Variants in NDE1 observed in about 807,000 individuals in gnomAD.
The protein encoded by NDE1 is nudE neurodevelopment protein 1, also known as nuclear distribution protein nudE homolog 1.
A neutral mutation model predicts 43.4 loss-of-function variants in NDE1; 28 were observed. That is an observed-to-expected ratio of 0.65 (90% CI 0.48 to 0.89). The LOEUF (loss-of-function observed/expected upper bound fraction) is 0.89, where lower values mean the gene tolerates loss of function less well. Ranked by LOEUF, NDE1 falls within the 40% of genes least tolerant of loss-of-function variation. The pLI is 0.00. For missense variants in NDE1, 441 were observed against 434.1 expected, an observed-to-expected ratio of 1.02 and a Z score of -0.14; for synonymous variants, 184 against 172.0, an observed-to-expected ratio of 1.07 and a Z score of -0.55.
intron 8 of NDE1, chr16:15,717,344 T>A: frequency 1.9e-6 from 3 of 1,606,624 alleles, no homozygotes; most frequent in Non-Finnish European, 2.5e-6. Context: ...GCTGAGCTGC[T>A]CGGCCTGGGG....
upstream of NDE1, among the ~76,000 whole-genome samples, chr16:15,645,358 T>C (rs577175631): frequency 3.8e-4 from 58 of 152,294 alleles, 1 homozygote; most frequent in South Asian, 0.011. Flanking sequence ...GGGCGGGGCA[T>C]GGTGACTCAT....
At chr16:15,716,523 TG>T (rs139447709) in intron 8 of NDE1, among the ~76,000 whole-genome samples, 17 of 151,926 alleles carry the variant, frequency 1.1e-4, no homozygotes, top group African/African-American at 3.1e-4. Context: ...GGGTTTTTTT[TG>T]TGTGTGTGTA....
intron 5 of NDE1, among the ~76,000 whole-genome samples, chr16:15,690,211 A>AT (rs1946393758): frequency 6.6e-6 from 1 of 151,078 alleles, no homozygotes; most frequent in African/African-American, 2.4e-5. Context: ...CGCATGGCTA[A>AT]TTTTTTGTAT....
chr16:15,669,963 G>C (rs2037509264), intron 3 of NDE1, among the ~76,000 whole-genome samples: 1 of 152,316 alleles, frequency 6.6e-6, no homozygotes, highest in Non-Finnish European at 1.5e-5. Context: ...ATGCTGTAGG[G>C]CTCAGCAAGG....
intron 3 of NDE1, among the ~76,000 whole-genome samples, 194 bp downstream of exon 3, chr16:15,667,633 T>TG (rs1555538026): frequency 7.6e-4 from 106 of 140,078 alleles, no homozygotes; most frequent in Non-Finnish European, 1.4e-3. Flanking sequence ...TTTTGTTTTG[T>TG]TTTTTTTTTT....
chr16:15,708,384 G>A (rs541945879), intron 8 of NDE1, among the ~76,000 whole-genome samples: 3 of 152,310 alleles, frequency 2.0e-5, no homozygotes, highest in Admixed American at 6.5e-5. Context: ...TGCCCAGATA[G>A]TGGAACTGTC....
chr16:15,714,806 G>T, intron 8 of NDE1: 1 of 1,386,382 alleles, frequency 7.2e-7, no homozygotes, highest in Non-Finnish European at 1.0e-6. Context: ...AGGGAGTGGC[G>T]GCTGTGGGCA....
At chr16:15,692,731 T>C (rs1452547988) in intron 6 of NDE1, among the ~76,000 whole-genome samples, 2 of 151,708 alleles carry the variant, frequency 1.3e-5, no homozygotes, top group East Asian at 2.0e-4. Flanking sequence ...CCATTTTGCA[T>C]ACTTTATTTC....
intron 7 of NDE1, chr16:15,694,900 G>C: frequency 1.0e-6 from 1 of 985,244 alleles, no homozygotes; most frequent in Non-Finnish European, 1.2e-6. Context: ...TCTTTTGGCC[G>C]GGTGCTCATA....
chr16:15,716,059 C>T (rs1423114661), intron 8 of NDE1, among the ~76,000 whole-genome samples: 1 of 152,032 alleles, frequency 6.6e-6, no homozygotes, highest in African/African-American at 2.4e-5. Flanking sequence ...TGAGATCGCA[C>T]CACTGCACAC....
intron 4 of NDE1, among the ~76,000 whole-genome samples, chr16:15,679,026 G>A (rs766364818): frequency 3.9e-5 from 6 of 152,058 alleles, no homozygotes; most frequent in African/African-American, 1.2e-4. Flanking sequence ...GTAGTGAGCC[G>A]AGATTGCGCC....
chr16:15,664,738 A>G lies in NDE1; in HGVS notation c.-41A>G, dbSNP rs768386694. ...CATTTTGAAACCTTCTCTCCTAGAC[A>G]CCATGCCACAAGGAGAGTGATCTCT... On this transcript the variant is annotated splice_region_variant and 5_prime_UTR_variant, in exon 2 of 9. Transcript: ENST00000396354. 1.5e-5 allele frequency: 22 copies of G among 1,424,908 alleles called. No individual in the cohort carries two copies. Among genetic ancestry groups the G allele is most frequent in the East Asian group, 2.3e-5 (1 of 44,004 alleles). The allele number at this position is 1,424,908 out of a possible 1,614,324, so 88.3% of individuals were successfully genotyped here.
chr16:15,686,349 AGGT>A, intron 4 of NDE1: 1 of 980,394 alleles, frequency 1.0e-6, no homozygotes, highest in Non-Finnish European at 1.2e-6. Flanking sequence ...GGTGCAGAGA[AGGT>A]GGTTTTCCCA....
intron 8 of NDE1, chr16:15,703,674 G>A (rs2039302940): frequency 6.8e-6 from 3 of 443,738 alleles, no homozygotes; most frequent in African/African-American, 2.0e-5. Context: ...TTGCAGCCTC[G>A]AAGTCCTGGG....
At chr16:15,648,222 A>G (rs2036370557), upstream of NDE1, among the ~76,000 whole-genome samples, 1 of 152,102 alleles carries the variant, frequency 6.6e-6, no homozygotes, top group Non-Finnish European at 1.5e-5. Flanking sequence ...CAAGCACTCC[A>G]ATTATACTCC....
rs2040650791 is a variant in NDE1 at position 15,724,533 on chromosome 16, GCTGGGGGGT to G, written c.*284_*292del. On this transcript the variant is annotated 3_prime_UTR_variant, in exon 9 of 9. Transcript: ENST00000396354. ...TTGGAGAAACCCAATAGCAGGGGAAGCTGGGGGGTCAAGCACCATCGCACCAACACTCCA... is the reference window on the plus strand; with the variant it reads ...TTGGAGAAACCCAATAGCAGGGGAAGCAAGCACCATCGCACCAACACTCCA... 1.9e-6 allele frequency: 3 copies of G among 1,606,138 alleles called. No individual in the cohort carries two copies. In the African/African-American group the frequency reaches 4.0e-5, roughly 21 times the overall value.
At chr16:15,694,277 C>A (rs375742952) in intron 7 of NDE1, 21 bp downstream of exon 7, 1 of 1,609,992 alleles carries the variant, frequency 6.2e-7, no homozygotes, top group Non-Finnish European at 8.5e-7. Flanking sequence ...ACTTTCCTGG[C>A]GTTTGGTGCC....
At chr16:15,670,328 C>T (rs2151456693) in intron 3 of NDE1, among the ~76,000 whole-genome samples, 1 of 152,152 alleles carries the variant, frequency 6.6e-6, no homozygotes, top group South Asian at 2.1e-4. Flanking sequence ...GGACGTGAAG[C>T]TCAGTCACAG....
rs57451847 is a variant in NDE1 at position 15,705,984 on chromosome 16, C to CAAAAAAAAAAAAAAAAAAA, written c.947+9127_947+9145dup. ...TAGGCGACAGGGTGAGACTCCGTCT[C>CAAAAAAAAAAAAAAAAAAA]AAAAAAAAAAAAAAAAAAAAATCAA... is the stretch of plus-strand genomic sequence containing the variant. On this transcript the variant is annotated intron_variant, in intron 8 of 8. Coordinates refer to ENST00000396354, the MANE Select transcript of NDE1 (RefSeq NM_017668.3). Among the ~76,000 whole-genome samples the CAAAAAAAAAAAAAAAAAAA allele has an allele frequency of 2.1e-4, 12 of 56,756 alleles. 1 individual carries two copies. The highest frequency in any genetic ancestry group is 7.9e-4 in the African/African-American group (7 of 8,906). 37.2% of individuals were successfully genotyped at this position (56,756 alleles called of 152,430 possible). A position where few individuals can be genotyped will look rare whatever the true frequency, so the allele number is the denominator to read the frequency against.
Sources: allele counts gnomAD v4.1 joint callset (sites outside exome capture counted in the v4.1 genomes callset), GRCh38; gene constraint gnomAD v4.1.1; transcripts MANE v1.5; gene names NCBI Gene and HGNC (gene_info 2026-07-23, HGNC 2026-07-21).